Variants in CNOT11 observed in about 807,000 individuals in gnomAD.
The protein encoded by CNOT11 is UPF0760 protein C2orf29.
In CNOT11, 18 loss-of-function variants were observed where a neutral mutation model predicts 44.6. The ratio of observed to expected loss-of-function variants is 0.40; its 90% CI spans 0.28 to 0.60. CNOT11 has a LOEUF of 0.60. CNOT11 is among the 20% of genes least tolerant of loss of function. CNOT11 has a pLI of 0.38. For missense variants in CNOT11, 513 were observed against 677.0 expected (o/e 0.76, Z 2.69); for synonymous variants, 291 against 270.9 (o/e 1.07, Z -0.73).
chr2:101,269,654 C>T lies in CNOT11; in HGVS notation c.*241C>T, dbSNP rs1295433118. On this transcript the variant is annotated 3_prime_UTR_variant, in exon 7 of 7. Coordinates refer to ENST00000289382, the MANE Select transcript of CNOT11 (RefSeq NM_017546.5). This position sits in a 1 kb window ranked among gnomAD's most constrained non-coding sequence, Gnocchi z 4.8. ...ACTATCCATAGGAGGAATGGCTATCCCAAAAAAAGTTCCGCAAAAAAGTAG... is the reference window on the plus strand; with the variant it reads ...ACTATCCATAGGAGGAATGGCTATCTCAAAAAAAGTTCCGCAAAAAAGTAG... 1 of 357,772 alleles carries T rather than the reference C, an allele frequency of 2.8e-6. No homozygotes were observed. The highest frequency in any genetic ancestry group is 5.0e-6 in the Non-Finnish European group (1 of 201,080). 22.2% of individuals were successfully genotyped at this position (357,772 alleles called of 1,614,324 possible). A position where few individuals can be genotyped will look rare whatever the true frequency, so the allele number is the denominator to read the frequency against.
At chr2:101,260,554 T>C (rs1272741674) in intron 2 of CNOT11, among the ~76,000 whole-genome samples, 1 of 152,130 alleles carries the variant, frequency 6.6e-6, no homozygotes, top group Non-Finnish European at 1.5e-5. Flanking sequence ...GCCTCCACTC[T>C]GGAGCTAGCC....
chr2:101,266,528 T>C (rs1681987904), intron 4 of CNOT11, 149 bp from the exon 5 acceptor site: 1 of 634,792 alleles, frequency 1.6e-6, no homozygotes, highest in East Asian at 2.7e-5. Flanking sequence ...CATCATGGGT[T>C]TGAAGGAAGA....
At chr2:101,265,885 TC>T (rs1379480048) in intron 4 of CNOT11, among the ~76,000 whole-genome samples, 1 of 152,180 alleles carries the variant, frequency 6.6e-6, no homozygotes, top group Non-Finnish European at 1.5e-5. Context: ...GTGAATTTTA[TC>T]CAGTTTGCAC....
chr2:101,258,049 T>C (rs1033297895), intron 2 of CNOT11, 94 bp downstream of exon 2: 1 of 1,262,282 alleles, frequency 7.9e-7, no homozygotes, highest in Non-Finnish European at 1.1e-6. Context: ...TTGTAACTGC[T>C]AAAAGGTTAG....
At chr2:101,255,015 A>G (rs1435818151) in intron 1 of CNOT11, among the ~76,000 whole-genome samples, 1 of 152,204 alleles carries the variant, frequency 6.6e-6, no homozygotes, top group Admixed American at 6.5e-5. Context: ...ATGTACAGTG[A>G]ATCTAAACCC....
rs1478709980 is a variant in CNOT11, at chr2:101,264,915, A to G, written c.903A>G (p.Leu301=). ...TTTGTGAGGATGAACTTGCTTGGCT[A>G]AACCCCACGGAGCCTGACCACGCGA... ...LHICEDELAW[L]NPTEPDHAIQ... is the part of the protein sequence containing the mutation. The change falls in exon 4 of 7, where the codon CTA becomes CTG. Residue 301 remains leucine, a synonymous_variant. Coordinates refer to ENST00000289382, the MANE Select transcript of CNOT11 (RefSeq NM_017546.5). The G allele has an allele frequency of 1.2e-6, 2 of 1,614,166 alleles. No individual in the cohort carries two copies.
At chr2:101,267,996 T>A (rs1057508559) in intron 5 of CNOT11, among the ~76,000 whole-genome samples, 1 of 152,226 alleles carries the variant, frequency 6.6e-6, no homozygotes, top group Admixed American at 6.5e-5. Flanking sequence ...AACTACAGAA[T>A]GTGTCCTTTT....
chr2:101,262,651 CA>C lies in CNOT11; in HGVS notation c.793del (p.Thr265GlnfsTer4). The C allele has an allele frequency of 6.2e-7, 1 of 1,614,172 alleles. No homozygotes were observed. Among genetic ancestry groups the C allele is most frequent in the Non-Finnish European group, 8.5e-7 (1 of 1,179,998 alleles). On this transcript the variant is annotated frameshift_variant, in exon 3 of 7. Coordinates refer to ENST00000289382, the MANE Select transcript of CNOT11 (RefSeq NM_017546.5). LOFTEE classifies it high-confidence loss of function. ...TTGACAGCTCAGTTGCCTCTCAGAT[CA>C]CAGAAGCTTTAGTCAGCGGACCAAA... is the stretch of plus-strand genomic sequence containing the variant. The part of the protein sequence containing the change: ...GFDSSVASQI[T>X]EALVSGPKPP...
At chr2:101,264,519 G>A (rs899288532) in intron 3 of CNOT11, among the ~76,000 whole-genome samples, 4 of 152,170 alleles carry the variant, frequency 2.6e-5, no homozygotes, top group African/African-American at 4.8e-5. Flanking sequence ...GACTTCACCC[G>A]TTTAGGAGTC....
intron 1 of CNOT11, 103 bp from the exon 2 acceptor site, chr2:101,257,688 C>CT: frequency 1.2e-6 from 1 of 850,496 alleles, no homozygotes; most frequent in East Asian, 2.5e-5. Flanking sequence ...GTTCTTAAAA[C>CT]TATGTGGCTT....
intron 1 of CNOT11, among the ~76,000 whole-genome samples, chr2:101,256,988 G>A (rs1016311662): frequency 1.3e-5 from 2 of 152,046 alleles, no homozygotes; most frequent in African/African-American, 4.8e-5. Context: ...GGCAGAGCTT[G>A]CAGTGAGCCG....
chr2:101,258,302 A>C (rs200491637), intron 2 of CNOT11, among the ~76,000 whole-genome samples: 1 of 151,896 alleles, frequency 6.6e-6, no homozygotes, highest in Non-Finnish European at 1.5e-5. Context: ...GGAGGCTGAG[A>C]CAGGAGAATA....
chr2:101,257,712 G>A, intron 1 of CNOT11, 79 bp from the exon 2 acceptor site: 1 of 1,187,826 alleles, frequency 8.4e-7, no homozygotes, highest in South Asian at 1.4e-5. Context: ...GTGGCAAGTA[G>A]CAAGTACTGA....
chr2:101,266,226 C>T (rs180769271), intron 4 of CNOT11, among the ~76,000 whole-genome samples: 19 of 152,278 alleles, frequency 1.2e-4, no homozygotes, highest in Middle Eastern at 3.4e-3. Context: ...CTTCCCACTC[C>T]GCCCCCTTCT....
chr2:101,266,338 A>G (rs757314381), intron 4 of CNOT11, among the ~76,000 whole-genome samples: 1 of 152,174 alleles, frequency 6.6e-6, no homozygotes, highest in Non-Finnish European at 1.5e-5. Context: ...GATGACAGAA[A>G]AAAAAAACCT....
In CNOT11 at chr2:101,262,149, GTTCT is replaced by G. The variant is rs543950519; in HGVS notation, c.680-383_680-380del. On this transcript the variant is annotated intron_variant, in intron 2 of 6. Coordinates refer to ENST00000289382, the MANE Select transcript of CNOT11 (RefSeq NM_017546.5). ...AGGCATGAGCCACTGCGCCTGGTGG[GTTCT>G]TTCTTTTTTTAAAACATTGATTTAA... Among the ~76,000 whole-genome samples the G allele has an allele frequency of 4.5e-3, 686 of 152,102 alleles. 3 individuals carry two copies. Among genetic ancestry groups the G allele is most frequent in the African/African-American group, 0.015 (643 of 41,508 alleles).
intron 2 of CNOT11, among the ~76,000 whole-genome samples, chr2:101,261,705 T>C (rs966377555): frequency 1.3e-5 from 2 of 152,202 alleles, no homozygotes; most frequent in African/African-American, 4.8e-5. Flanking sequence ...TATGTTATAG[T>C]ATCTTGTGTT....
rs115172439 is a variant in CNOT11, at chr2:101,256,179, A to T, written c.515-1612A>T. Among the ~76,000 whole-genome samples the T allele has an allele frequency of 1.9e-3, 288 of 151,958 alleles. 5 individuals carry two copies. The highest frequency in any genetic ancestry group is 0.018 in the South Asian group (85 of 4,798). On this transcript the variant is annotated intron_variant, in intron 1 of 6. Transcript: ENST00000289382. ...TGTAGAAGTTGAGGGATTTTGTGCA[A>T]CCGGGGTGTAGGGTACATGGATGGG...
At chr2:101,267,560 T>C (rs1390110052) in intron 5 of CNOT11, among the ~76,000 whole-genome samples, 1 of 152,228 alleles carries the variant, frequency 6.6e-6, no homozygotes, top group Non-Finnish European at 1.5e-5. Flanking sequence ...CTAGGAATGC[T>C]GTCCTAGCTT....
Sources: allele counts gnomAD v4.1 joint callset (sites outside exome capture counted in the v4.1 genomes callset), GRCh38; gene constraint gnomAD v4.1.1; non-coding constraint Gnocchi (gnomAD v3.1); transcripts MANE v1.5; gene names NCBI Gene and HGNC (gene_info 2026-07-23, HGNC 2026-07-21).